ADAMTS7: variants seen among roughly 807,000 people sequenced by gnomAD.
The protein encoded by ADAMTS7 is A disintegrin and metalloproteinase with thrombospondin motifs 7.
A neutral mutation model predicts 172.6 loss-of-function variants in ADAMTS7; 89 were observed. The ratio of observed to expected loss-of-function variants is 0.52; its 90% CI spans 0.43 to 0.61. The LOEUF (loss-of-function observed/expected upper bound fraction) is 0.61, where lower values mean the gene tolerates loss of function less well. Ranked by LOEUF, ADAMTS7 falls within the 20% of genes least tolerant of loss-of-function variation. ADAMTS7 has a pLI of 0.00. For missense variants in ADAMTS7, 1,973 were observed against 2,355.6 expected (o/e 0.84, Z 3.36); for synonymous variants, 885 against 978.4 (o/e 0.90, Z 1.78).
In ADAMTS7 at chr15:78,796,632, T is replaced by C; in HGVS notation, c.777A>G (p.Gly259=). ...GCACATAGCTCTCAACCTGCGGCTG[T>C]CCGTGGTACTCCACCATTTTGGCAT... The part of the protein sequence containing the change: ...VADAKMVEYH[G]QPQVESYVLT... Residue 259 remains glycine (G), a synonymous_variant, in exon 4 of 24, where the codon GGA becomes GGG. Transcript: ENST00000388820. 2 of 1,614,044 alleles carry C rather than the reference T, an allele frequency of 1.2e-6. No individual in the cohort carries two copies. Among genetic ancestry groups the C allele is most frequent in the Non-Finnish European group, 1.7e-6 (2 of 1,179,982 alleles).
chr15:78,811,143 G>C lies in ADAMTS7; in HGVS notation c.78C>G (p.Pro26=). 8.1e-7 allele frequency: 1 copy of C among 1,230,218 alleles called. No individual in the cohort carries two copies. The highest frequency in any genetic ancestry group is 1.0e-6 in the Non-Finnish European group (1 of 986,866). The allele number at this position is 1,230,218 out of a possible 1,614,324, so 76.2% of individuals were successfully genotyped here. A position where few individuals can be genotyped will look rare whatever the true frequency, so the allele number is the denominator to read the frequency against. Residue 26 remains proline (P), a synonymous_variant, in exon 1 of 24, where the codon CCC becomes CCG. Transcript: ENST00000388820. ...PLLLLLCALA[P]GAPGPAPGRA... The stretch of plus-strand genomic sequence containing the variant: ...CACCTGGTGCGGGTCCGGGGGCGCC[G>C]GGAGCCAGAGCGCAGAGGAGCAGGA...
intron 23 of ADAMTS7, among the ~76,000 whole-genome samples, chr15:78,760,166 G>C (rs1238388629): frequency 6.6e-6 from 1 of 152,022 alleles, no homozygotes; most frequent in Non-Finnish European, 1.5e-5. Flanking sequence ...GGCCTTACAG[G>C]CCGTCAGCGG....
chr15:78,778,832 G>C (rs539099666), intron 8 of ADAMTS7, among the ~76,000 whole-genome samples: 37 of 152,286 alleles, frequency 2.4e-4, no homozygotes, highest in Non-Finnish European at 5.0e-4. Flanking sequence ...GGGCAAAGGT[G>C]ATAGATCCTG....
chr15:78,771,385 CTG>C lies in ADAMTS7; in HGVS notation c.2377-84_2377-83del, dbSNP rs759756538. ...CTAAAGGAGCTGACCCCAGCCACCT[CTG>C]TGAACTGCAGCTACAAGATTGGGCC... On this transcript the variant is annotated intron_variant, in intron 15 of 23. Coordinates refer to ENST00000388820, the MANE Select transcript of ADAMTS7 (RefSeq NM_014272.5). The surrounding 1 kb of genome is among the most constrained non-coding windows in gnomAD (Gnocchi z 4.9). 1 of 1,599,180 alleles carries C rather than the reference CTG, an allele frequency of 6.3e-7. No individual in the cohort carries two copies. The highest frequency in any genetic ancestry group is 2.2e-5 in the East Asian group (1 of 44,576).
chr15:78,765,284 T>C (rs1347617664), intron 19 of ADAMTS7, among the ~76,000 whole-genome samples: 1 of 152,248 alleles, frequency 6.6e-6, no homozygotes, highest in Non-Finnish European at 1.5e-5. Context: ...CAGAGCCAGG[T>C]GGCAGTGGGC....
chr15:78,781,457 T>C (rs548179498), intron 8 of ADAMTS7, among the ~76,000 whole-genome samples: 8 of 152,276 alleles, frequency 5.3e-5, no homozygotes, highest in Middle Eastern at 3.4e-3. Flanking sequence ...CACCCCTCCA[T>C]TGGGGAGGCA....
chr15:78,796,035 T>G (rs2055638725), intron 4 of ADAMTS7, among the ~76,000 whole-genome samples: 1 of 152,230 alleles, frequency 6.6e-6, no homozygotes, highest in African/African-American at 2.4e-5. Flanking sequence ...CACAAGGTAC[T>G]GTCGTCATGC....
Position 78,776,746 on chromosome 15 carries a change from T to A in ADAMTS7, c.1560+3A>T, listed in dbSNP as rs1355771766. Reference sequence around the variant, plus strand: ...CACTGCCGGGACTGGGGACATCCCCTACCTTATTCTCCCCACACCGGGTGC... The same window carrying A: ...CACTGCCGGGACTGGGGACATCCCCAACCTTATTCTCCCCACACCGGGTGC... On this transcript the variant is annotated splice_donor_region_variant and intron_variant, in intron 10 of 23. Transcript: ENST00000388820. 4 of 1,549,446 alleles carry A rather than the reference T, an allele frequency of 2.6e-6. No individual in the cohort carries two copies. The highest frequency in any genetic ancestry group is 2.6e-6 in the Non-Finnish European group (3 of 1,145,210).
At chr15:78,786,999 T>C (rs888123469) in intron 8 of ADAMTS7, among the ~76,000 whole-genome samples, 3 of 152,186 alleles carry the variant, frequency 2.0e-5, no homozygotes, top group African/African-American at 7.2e-5. Context: ...GAACATATTT[T>C]CTCTTCCTTA....
At position 78,790,880 on chromosome 15, in the gene ADAMTS7, C is replaced by G. The variant is rs1159503137; in HGVS notation, c.904-86G>C. On this transcript the variant is annotated intron_variant, in intron 5 of 23. Coordinates refer to ENST00000388820, the MANE Select transcript of ADAMTS7 (RefSeq NM_014272.5). ...TTCTCCCCCATACGAAGGCAGGAGA[C>G]AGAGGCCCAGCAGGGAAGTGGGAGG... The G allele has an allele frequency of 3.8e-6, 6 of 1,576,320 alleles. No individual in the cohort carries two copies. The East Asian group carries it at 1.1e-4, about 30-fold the overall frequency.
rs372130141 is a variant in ADAMTS7 at position 78,771,561 on chromosome 15, G to A, written c.2376+24C>T. 2,321 of 1,581,618 alleles carry A rather than the reference G, an allele frequency of 1.5e-3. 1 individual carries two copies. Among genetic ancestry groups the A allele is most frequent in the Non-Finnish European group, 1.9e-3 (2,165 of 1,169,488 alleles). ...TGGGGACTCCGCCTCTGCTCCCCCCGCCTGGGCCACGGGAGGCAGGCACCT... is the reference window on the plus strand; with the variant it reads ...TGGGGACTCCGCCTCTGCTCCCCCCACCTGGGCCACGGGAGGCAGGCACCT... On this transcript the variant is annotated intron_variant, in intron 15 of 23. Transcript: ENST00000388820. This position sits in a 1 kb window ranked among gnomAD's most constrained non-coding sequence, Gnocchi z 4.9.
chr15:78,771,433 G>T lies in ADAMTS7; in HGVS notation c.2377-130C>A. ...GGGCCATTTTAAAGATGGGGAAACTGAGGTAGAGGCCGCAGCAGGAGGGCC... is the reference window on the plus strand; with the variant it reads ...GGGCCATTTTAAAGATGGGGAAACTTAGGTAGAGGCCGCAGCAGGAGGGCC... On this transcript the variant is annotated intron_variant, in intron 15 of 23. Transcript: ENST00000388820. This position sits in a 1 kb window ranked among gnomAD's most constrained non-coding sequence, Gnocchi z 4.9. 1 of 1,546,320 alleles carries T rather than the reference G, an allele frequency of 6.5e-7. No homozygotes were observed.
intron 13 of ADAMTS7, among the ~76,000 whole-genome samples, 185 bp from the exon 14 acceptor site, chr15:78,773,388 G>A (rs1596181607): frequency 6.6e-6 from 1 of 151,462 alleles, no homozygotes; most frequent in South Asian, 2.1e-4. Context: ...CTAAGCCTCA[G>A]TTTCCTCAGA....
rs768455645 is a variant in ADAMTS7, at chr15:78,776,182, A to T, written c.1706+6T>A. On this transcript the variant is annotated splice_donor_region_variant and intron_variant, in intron 11 of 23. Transcript: ENST00000388820. ...TGCCCAAGGGCACCCTGGGCCCCAC[A>T]CTCACGTAGGCTGCGTGCACTGCCG... 1 of 1,603,590 alleles carries T rather than the reference A, an allele frequency of 6.2e-7. No individual in the cohort carries two copies.
chr15:78,769,081 T>G (rs1182226246), intron 16 of ADAMTS7, among the ~76,000 whole-genome samples: 1 of 152,062 alleles, frequency 6.6e-6, no homozygotes. Flanking sequence ...ATCCACACCC[T>G]TCCCAATGGC....
At chr15:78,787,797 C>T (rs2055524456) in intron 8 of ADAMTS7, among the ~76,000 whole-genome samples, 2 of 151,876 alleles carry the variant, frequency 1.3e-5, no homozygotes, top group Non-Finnish European at 2.9e-5. Context: ...TGTGGCTGTC[C>T]CTCACCTCCT....
At chr15:78,799,155 G>A (rs1396834653) in intron 2 of ADAMTS7, among the ~76,000 whole-genome samples, 2 of 148,888 alleles carry the variant, frequency 1.3e-5, no homozygotes, top group South Asian at 2.2e-4. Flanking sequence ...AGGTCCAGAC[G>A]TTGTGCAGCT....
intron 23 of ADAMTS7, among the ~76,000 whole-genome samples, chr15:78,761,206 C>A (rs2055038329): frequency 1.3e-5 from 2 of 152,212 alleles, no homozygotes; most frequent in South Asian, 4.1e-4. Flanking sequence ...CCACTCTGAG[C>A]CTGAATGAGG....
intron 11 of ADAMTS7, among the ~76,000 whole-genome samples, chr15:78,775,344 C>T (rs907949361): frequency 2.6e-5 from 4 of 152,296 alleles, no homozygotes; most frequent in South Asian, 2.1e-4. Context: ...AGGCCAGGGT[C>T]GCTGGCCCCC....
Sources: gnomAD v4.1 joint callset for allele counts (sites outside exome capture counted in the v4.1 genomes callset) on GRCh38, gnomAD v4.1.1 for gene constraint, Gnocchi (gnomAD v3.1) non-coding constraint, MANE v1.5 for transcripts, NCBI Gene and HGNC (gene_info 2026-07-23, HGNC 2026-07-21) for gene names.